Variants in ENOX1 observed in about 807,000 individuals in gnomAD.
ENOX1 encodes candidate growth-related and time keeping constitutive hydroquinone (NADH) oxidase.
A neutral mutation model predicts 82.5 loss-of-function variants in ENOX1; 42 were observed. The observed-to-expected ratio is 0.51, with a 90% CI of 0.40 to 0.66. ENOX1 has a LOEUF of 0.66. ENOX1 is among the 30% of genes least tolerant of loss of function. The pLI is 0.00. For synonymous variants in ENOX1, 271 were observed against 282.2 expected (o/e 0.96, Z 0.40); for missense variants, 608 against 811.6 (o/e 0.75, Z 3.05).
intron 5 of ENOX1, among the ~76,000 whole-genome samples, chr13:43,402,520 C>A (rs1019839885): frequency 1.3e-5 from 2 of 152,148 alleles, no homozygotes. Context: ...TAGAAGAAGT[C>A]CAGCACAGTC....
chr13:43,218,266 C>T (rs7993254), intron 16 of ENOX1, among the ~76,000 whole-genome samples: 121,933 of 152,154 alleles, frequency 0.8, 49,465 homozygotes, highest in Non-Finnish European at 0.88. Flanking sequence ...GCAAATAATA[C>T]AGAGTTGTGT....
chr13:43,409,415 T>TA (rs2053987352), intron 5 of ENOX1, among the ~76,000 whole-genome samples: 1 of 152,038 alleles, frequency 6.6e-6, no homozygotes. Flanking sequence ...TTATTTGCTT[T>TA]AAAAAAAGCA....
intron 12 of ENOX1, among the ~76,000 whole-genome samples, chr13:43,281,187 TC>T (rs1217846669): frequency 1.3e-5 from 2 of 151,556 alleles, no homozygotes; most frequent in African/African-American, 4.8e-5. Flanking sequence ...CTTCAGACTC[TC>T]TGTAAGGAAA....
intron 2 of ENOX1, among the ~76,000 whole-genome samples, chr13:43,550,594 T>C (rs1270332729): frequency 6.6e-6 from 1 of 152,190 alleles, no homozygotes; most frequent in Admixed American, 6.5e-5. Flanking sequence ...TGAGATAAGA[T>C]GTGACTGCAC....
At chr13:43,285,017 A>T (rs2045612646) in intron 12 of ENOX1, among the ~76,000 whole-genome samples, 1 of 152,236 alleles carries the variant, frequency 6.6e-6, no homozygotes, top group African/African-American at 2.4e-5. Flanking sequence ...AGCTGCACAT[A>T]GATAAGAACT....
At chr13:43,548,105 T>C (rs190878870) in intron 2 of ENOX1, 1 of 152,346 alleles carries the variant, frequency 6.6e-6, no homozygotes, top group African/African-American at 2.4e-5. Context: ...AATTCTGCTC[T>C]AAAATAATAG....
intron 2 of ENOX1, among the ~76,000 whole-genome samples, chr13:43,629,605 T>A (rs999699821): frequency 6.6e-6 from 1 of 152,244 alleles, no homozygotes; most frequent in African/African-American, 2.4e-5. Context: ...ATTCTGTATT[T>A]TTAATTCACA....
chr13:43,483,015 G>A (rs892088733), intron 3 of ENOX1, among the ~76,000 whole-genome samples: 1 of 152,108 alleles, frequency 6.6e-6, no homozygotes, highest in Non-Finnish European at 1.5e-5. Flanking sequence ...CAGCACTACA[G>A]TAACATCTAC....
chr13:43,233,188 C>G (rs898226738), intron 15 of ENOX1, among the ~76,000 whole-genome samples: 1 of 152,132 alleles, frequency 6.6e-6, no homozygotes, highest in Non-Finnish European at 1.5e-5. Context: ...TGCAATGCCC[C>G]CATAAAAACA....
intron 2 of ENOX1, among the ~76,000 whole-genome samples, chr13:43,636,450 A>G (rs922191436): frequency 6.6e-6 from 1 of 151,872 alleles, no homozygotes; most frequent in East Asian, 1.9e-4. Context: ...TTATCATTAA[A>G]CCTTACAGGG....
At chr13:43,288,161 A>G (rs2153498118) in intron 12 of ENOX1, among the ~76,000 whole-genome samples, 1 of 152,346 alleles carries the variant, frequency 6.6e-6, no homozygotes, top group East Asian at 1.9e-4. Flanking sequence ...TGGAATAGTT[A>G]AAGGAAGACC....
intron 1 of ENOX1, among the ~76,000 whole-genome samples, chr13:43,682,835 C>A (rs1434704930): frequency 1.3e-5 from 2 of 152,088 alleles, no homozygotes; most frequent in South Asian, 4.1e-4. Context: ...ATTTAAGGTG[C>A]TTTCAAAATT....
At chr13:43,669,829 A>T (rs551999539) in intron 1 of ENOX1, among the ~76,000 whole-genome samples, 3 of 152,292 alleles carry the variant, frequency 2.0e-5, no homozygotes, top group South Asian at 2.1e-4. Flanking sequence ...GGAAAGAAAA[A>T]CTTTCAAAAC....
intron 12 of ENOX1, among the ~76,000 whole-genome samples, chr13:43,285,281 A>G (rs1044341775): frequency 1.3e-5 from 2 of 152,236 alleles, no homozygotes; most frequent in Non-Finnish European, 2.9e-5. Flanking sequence ...GTATTTAAAA[A>G]TGATTAACAC....
chr13:43,561,066 C>T (rs1343156663), intron 2 of ENOX1, among the ~76,000 whole-genome samples: 2 of 152,044 alleles, frequency 1.3e-5, no homozygotes, highest in African/African-American at 2.4e-5. Context: ...GAGAACAGTG[C>T]GTAATCAAAA....
chr13:43,310,185 G>A lies in ENOX1; in HGVS notation c.1262-11655C>T, dbSNP rs1236995825. 1.9e-4 allele frequency among the ~76,000 whole-genome samples: 18 copies of A among 96,058 alleles called. No individual in the cohort carries two copies. In the Admixed American group the frequency reaches 2.5e-3, roughly 13 times the overall value. The allele number at this position is 96,058 out of a possible 152,430, so 63.0% of individuals were successfully genotyped here. A position where few individuals can be genotyped will look rare whatever the true frequency, so the allele number is the denominator to read the frequency against. On this transcript the variant is annotated intron_variant, in intron 11 of 16. Coordinates refer to ENST00000690772, the MANE Select transcript of ENOX1 (RefSeq NM_001347969.2). ...TTGCACTCTACCCTGGTGACAGAGC[G>A]AGATTCCATCTCAAAAAAAAAAAAA...
intron 3 of ENOX1, among the ~76,000 whole-genome samples, chr13:43,419,861 C>T (rs1042957643): frequency 6.6e-6 from 1 of 152,022 alleles, no homozygotes; most frequent in South Asian, 2.1e-4. Context: ...GTCCCAGCTA[C>T]CTGGGAGGCT....
At chr13:43,755,085 A>G (rs1193561753) in intron 1 of ENOX1, among the ~76,000 whole-genome samples, 1 of 151,552 alleles carries the variant, frequency 6.6e-6, no homozygotes, top group East Asian at 1.9e-4. Context: ...GGAGATTAAA[A>G]AAAAAAAAAA....
intron 1 of ENOX1, among the ~76,000 whole-genome samples, chr13:43,745,506 C>T (rs1949975868): frequency 1.3e-5 from 2 of 152,166 alleles, no homozygotes; most frequent in East Asian, 1.9e-4. Context: ...TGTAAGAACA[C>T]ATACACTATA....
Sources: gnomAD v4.1 joint callset for allele counts (sites outside exome capture counted in the v4.1 genomes callset) on GRCh38, gnomAD v4.1.1 for gene constraint, MANE v1.5 for transcripts, NCBI Gene and HGNC (gene_info 2026-07-23, HGNC 2026-07-21) for gene names.